The following SEMA6D variants were observed in gnomAD, a reference collection of about 807,000 sequenced individuals.
The protein encoded by SEMA6D is semaphorin 6D.
A neutral mutation model predicts 106.6 loss-of-function variants in SEMA6D; 35 were observed. That is an observed-to-expected ratio of 0.33 (90% CI 0.25 to 0.44). SEMA6D has a LOEUF of 0.44. Among genes scored for constraint, SEMA6D ranks in the 20% least tolerant of loss-of-function variants. The pLI, the probability that SEMA6D is intolerant of heterozygous loss-of-function variation, is 1.00. For missense variants in SEMA6D, 1,185 were observed against 1,345.9 expected (o/e 0.88, Z 1.87); for synonymous variants, 499 against 487.7 (o/e 1.02, Z -0.31).
At chr15:47,760,867 T>C (rs2082023705) in intron 3 of SEMA6D, 111 bp from the exon 4 acceptor site, 2 of 949,752 alleles carry the variant, frequency 2.1e-6, no homozygotes, top group Non-Finnish European at 3.1e-6. Flanking sequence ...ACAGAGAAAA[T>C]CCAGATGATC....
chr15:47,483,802 T>C (rs1409728062), intron 3 of SEMA6D, among the ~76,000 whole-genome samples: 1 of 152,144 alleles, frequency 6.6e-6, no homozygotes, highest in Non-Finnish European at 1.5e-5. Context: ...TAAAAATCTC[T>C]TCATTTTCAT....
chr15:47,587,024 GGAAA>G (rs1162096747), intron 3 of SEMA6D, among the ~76,000 whole-genome samples: 2 of 151,942 alleles, frequency 1.3e-5, no homozygotes, highest in African/African-American at 2.4e-5. Flanking sequence ...CTGGGTTTGA[GGAAA>G]GAGAGAGAAG....
chr15:47,524,648 C>T (rs574154357), intron 3 of SEMA6D, among the ~76,000 whole-genome samples: 1 of 152,192 alleles, frequency 6.6e-6, no homozygotes, highest in South Asian at 2.1e-4. Flanking sequence ...TAGAGGGAGA[C>T]AGAACTACAG....
At chr15:47,244,293 A>T (rs2033085246) in intron 1 of SEMA6D, among the ~76,000 whole-genome samples, 1 of 152,138 alleles carries the variant, frequency 6.6e-6, no homozygotes, top group African/African-American at 2.4e-5. Flanking sequence ...GAACTTTGTG[A>T]CTTAGGCCAA....
At chr15:47,552,891 A>AATATATATATTTTTTTAT (rs1566883057) in intron 3 of SEMA6D, among the ~76,000 whole-genome samples, 7 of 35,282 alleles carry the variant, frequency 2.0e-4, no homozygotes, top group Non-Finnish European at 3.0e-4. Flanking sequence ...AATATATATA[A>AATATATATATTTTTTTAT]ATATATATAT....
chr15:47,555,394 T>C (rs1158280179), intron 3 of SEMA6D, among the ~76,000 whole-genome samples: 1 of 152,186 alleles, frequency 6.6e-6, no homozygotes, highest in East Asian at 1.9e-4. Flanking sequence ...ATTAATTCAG[T>C]CTAATATATT....
chr15:47,766,878 A>G (rs1223152246), intron 16 of SEMA6D, among the ~76,000 whole-genome samples, 159 bp from the exon 17 acceptor site: 2 of 152,038 alleles, frequency 1.3e-5, no homozygotes, highest in African/African-American at 4.8e-5. Context: ...ACCATTTACA[A>G]TTTTGTAGGA....
chr15:47,323,559 G>C (rs2037008851), intron 1 of SEMA6D, among the ~76,000 whole-genome samples: 1 of 152,154 alleles, frequency 6.6e-6, no homozygotes, highest in Non-Finnish European at 1.5e-5. Flanking sequence ...AACCAGTCGA[G>C]AGAGAAAGTG....
chr15:47,221,530 A>G (rs991121024), intron 1 of SEMA6D, among the ~76,000 whole-genome samples: 1 of 152,252 alleles, frequency 6.6e-6, no homozygotes, highest in Non-Finnish European at 1.5e-5. Flanking sequence ...GAAAAGGGCT[A>G]GTGAACTTGG....
At chr15:47,196,268 G>T (rs1361126714) in intron 1 of SEMA6D, among the ~76,000 whole-genome samples, 1 of 152,136 alleles carries the variant, frequency 6.6e-6, no homozygotes, top group Non-Finnish European at 1.5e-5. Context: ...TTAGTGCCCT[G>T]GGAATGATTA....
chr15:47,645,023 C>T (rs1282234770), intron 4 of SEMA6D, among the ~76,000 whole-genome samples: 1 of 152,106 alleles, frequency 6.6e-6, no homozygotes, highest in African/African-American at 2.4e-5. Flanking sequence ...CATCTGTTTC[C>T]AAGACAACAA....
At chr15:47,263,301 G>A (rs2034163530) in intron 1 of SEMA6D, among the ~76,000 whole-genome samples, 1 of 152,100 alleles carries the variant, frequency 6.6e-6, no homozygotes, top group African/African-American at 2.4e-5. Context: ...CTATGCATCT[G>A]ACAAAGGTCT....
intron 1 of SEMA6D, among the ~76,000 whole-genome samples, chr15:47,381,190 A>G (rs1042010859): frequency 6.6e-6 from 1 of 152,270 alleles, no homozygotes; most frequent in African/African-American, 2.4e-5. Flanking sequence ...GGCAAAAATT[A>G]CAATGGATTG....
chr15:47,549,807 T>C (rs1477528167), intron 3 of SEMA6D, among the ~76,000 whole-genome samples: 2 of 152,262 alleles, frequency 1.3e-5, no homozygotes, highest in Non-Finnish European at 2.9e-5. Context: ...TTAAGAAAAT[T>C]AAAGGGATTT....
At chr15:47,465,282 A>G (rs1396039652) in intron 2 of SEMA6D, among the ~76,000 whole-genome samples, 2 of 152,052 alleles carry the variant, frequency 1.3e-5, no homozygotes, top group Non-Finnish European at 2.9e-5. Context: ...TTTGGCCTCT[A>G]ACTCTAACCT....
At chr15:47,608,114 T>C (rs758654050) in intron 4 of SEMA6D, among the ~76,000 whole-genome samples, 17 of 152,188 alleles carry the variant, frequency 1.1e-4, no homozygotes, top group Non-Finnish European at 2.2e-4. Flanking sequence ...ATAATATTAT[T>C]ATGGAATGGT....
At chr15:47,336,191 G>A (rs2037547763) in intron 1 of SEMA6D, among the ~76,000 whole-genome samples, 1 of 152,190 alleles carries the variant, frequency 6.6e-6, no homozygotes, top group Admixed American at 6.6e-5. Flanking sequence ...AGCATGGTTT[G>A]TGTGAAGTGG....
intron 1 of SEMA6D, among the ~76,000 whole-genome samples, chr15:47,727,953 T>C (rs916281601): frequency 1.8e-4 from 27 of 152,234 alleles, no homozygotes; most frequent in African/African-American, 6.5e-4. Flanking sequence ...TTGGAAGAGC[T>C]GGAGGCCCAG....
intron 3 of SEMA6D, among the ~76,000 whole-genome samples, chr15:47,480,727 C>T (rs1366984063): frequency 6.6e-6 from 1 of 152,152 alleles, no homozygotes; most frequent in East Asian, 1.9e-4. Context: ...TATTCTTAGA[C>T]CCATCTCATC....
Sources: allele counts gnomAD v4.1 joint callset (sites outside exome capture counted in the v4.1 genomes callset), GRCh38; gene constraint gnomAD v4.1.1; transcripts MANE v1.5; gene names NCBI Gene and HGNC (gene_info 2026-07-23, HGNC 2026-07-21).